Variants in PACS1 observed in about 807,000 individuals in gnomAD.
PACS1 encodes phosphofurin acidic cluster sorting protein 1, also known as PACS-1.
In PACS1, 24 loss-of-function variants were observed where a neutral mutation model predicts 115.0. That is an observed-to-expected ratio of 0.21 (90% CI 0.15 to 0.29). The LOEUF (loss-of-function observed/expected upper bound fraction) is 0.29. PACS1 is among the 10% of genes least tolerant of loss of function. PACS1 has a pLI of 1.00. For synonymous variants in PACS1, 453 were observed against 504.5 expected, an observed-to-expected ratio of 0.90 and a Z score of 1.37; for missense variants, 838 against 1,251.2, an observed-to-expected ratio of 0.67 and a Z score of 4.98.
chr11:66,168,150 C>A (rs928340662), intron 1 of PACS1, among the ~76,000 whole-genome samples: 12 of 150,222 alleles, frequency 8.0e-5, no homozygotes, highest in Non-Finnish European at 1.2e-4. Context: ...GATCTGCCCA[C>A]CCTGGCCTCC....
chr11:66,093,368 A>G (rs1251572728), intron 1 of PACS1, among the ~76,000 whole-genome samples: 2 of 149,862 alleles, frequency 1.3e-5, no homozygotes, highest in African/African-American at 4.9e-5. Context: ...AAGCAAATGG[A>G]AAACAAAAAA....
intron 2 of PACS1, among the ~76,000 whole-genome samples, chr11:66,195,715 A>C (rs771673976): frequency 6.6e-6 from 1 of 152,216 alleles, no homozygotes; most frequent in Non-Finnish European, 1.5e-5. Flanking sequence ...TCACTTATTT[A>C]TGCATTCATA....
intron 1 of PACS1, among the ~76,000 whole-genome samples, chr11:66,149,090 CTTTTTT>C (rs10717909): frequency 2.0e-5 from 2 of 98,136 alleles, no homozygotes; most frequent in East Asian, 2.8e-4. Flanking sequence ...TGCACACGCA[CTTTTTT>C]TTTTTTTTTT....
At chr11:66,234,050 C>T in intron 16 of PACS1, 82 bp from the exon 17 acceptor site, 1 of 1,541,214 alleles carries the variant, frequency 6.5e-7, no homozygotes, top group Non-Finnish European at 9.0e-7. Context: ...GTCAAGGAGA[C>T]CAAGGCCGTG....
chr11:66,077,982 G>C (rs2134496898), intron 1 of PACS1, among the ~76,000 whole-genome samples: 1 of 152,244 alleles, frequency 6.6e-6, no homozygotes. Flanking sequence ...GATTACAGTT[G>C]TAAGCAACCA....
At chr11:66,156,715 G>A (rs1859370610) in intron 1 of PACS1, among the ~76,000 whole-genome samples, 1 of 152,004 alleles carries the variant, frequency 6.6e-6, no homozygotes, top group African/African-American at 2.4e-5. Flanking sequence ...TTACCCGGGC[G>A]TGGTGGTGGG....
intron 2 of PACS1, among the ~76,000 whole-genome samples, chr11:66,194,946 C>T (rs1854616910): frequency 6.7e-6 from 1 of 149,016 alleles, no homozygotes; most frequent in Admixed American, 6.6e-5. Context: ...AATGTTGGGC[C>T]GGGCACTGTG....
At chr11:66,151,388 G>C (rs1201592884) in intron 1 of PACS1, among the ~76,000 whole-genome samples, 2 of 152,138 alleles carry the variant, frequency 1.3e-5, no homozygotes, top group Non-Finnish European at 2.9e-5. Context: ...GAAAACTTAG[G>C]AGGAAATCAC....
At chr11:66,237,605 C>T (rs1466721464) in intron 19 of PACS1, among the ~76,000 whole-genome samples, 1 of 152,216 alleles carries the variant, frequency 6.6e-6, no homozygotes, top group African/African-American at 2.4e-5. Flanking sequence ...GGGCTGCTCC[C>T]ATAGCCACAT....
chr11:66,233,581 G>T lies in PACS1; in HGVS notation c.1839-204G>T, dbSNP rs1379896498. Among the ~76,000 whole-genome samples the T allele has an allele frequency of 6.6e-6, 1 of 152,236 alleles. No individual in the cohort carries two copies. Among genetic ancestry groups the T allele is most frequent in the Non-Finnish European group, 1.5e-5 (1 of 68,046 alleles). The stretch of plus-strand genomic sequence containing the variant: ...CTCAGCTGTTCCGTCTGCTTCATGG[G>T]CAATGCCCTCTGACCCTGGATTTTT... On this transcript the variant is annotated intron_variant, in intron 15 of 23. Transcript: ENST00000320580. This position sits in a 1 kb window ranked among gnomAD's most constrained non-coding sequence, Gnocchi z 4.5.
At chr11:66,110,850 T>C (rs1385171788) in intron 1 of PACS1, among the ~76,000 whole-genome samples, 1 of 152,216 alleles carries the variant, frequency 6.6e-6, no homozygotes, top group Non-Finnish European at 1.5e-5. Context: ...GTTACAGGCA[T>C]GAGCCGTAGC....
chr11:66,210,662 AC>A (rs1424950724), intron 3 of PACS1, among the ~76,000 whole-genome samples: 1 of 152,158 alleles, frequency 6.6e-6, no homozygotes, highest in Non-Finnish European at 1.5e-5. Context: ...CTGGGTAGGC[AC>A]CGTGGCCCCT....
chr11:66,188,818 G>A (rs1854450909), intron 1 of PACS1, among the ~76,000 whole-genome samples: 1 of 151,982 alleles, frequency 6.6e-6, no homozygotes, highest in African/African-American at 2.4e-5. Flanking sequence ...TGCAAATGCG[G>A]GTTTATGGAG....
At chr11:66,116,404 A>G (rs911708421) in intron 1 of PACS1, among the ~76,000 whole-genome samples, 4 of 152,236 alleles carry the variant, frequency 2.6e-5, no homozygotes, top group Non-Finnish European at 4.4e-5. Context: ...GAAGTATTAC[A>G]TATTATCTTT....
chr11:66,172,713 G>C (rs944297389), intron 1 of PACS1, among the ~76,000 whole-genome samples: 3 of 152,076 alleles, frequency 2.0e-5, no homozygotes, highest in Non-Finnish European at 4.4e-5. Context: ...AGCCAGGTGC[G>C]GTGGCTCACA....
chr11:66,235,481 C>A lies in PACS1; in HGVS notation c.2207+78C>A. ...ATCTTGAGTCTTCCTTGCTTTCTCA[C>A]ATTTTCCTTCTCCACATGCTATATT... On this transcript the variant is annotated intron_variant, in intron 18 of 23. Transcript: ENST00000320580. The surrounding 1 kb of genome is among the most constrained non-coding windows in gnomAD (Gnocchi z 5.6). 1 of 1,052,382 alleles carries A rather than the reference C, an allele frequency of 9.5e-7. No individual in the cohort carries two copies. Among genetic ancestry groups the A allele is most frequent in the Non-Finnish European group, 1.5e-6 (1 of 686,486 alleles). 65.2% of individuals were successfully genotyped at this position (1,052,382 alleles called of 1,614,324 possible). A position where few individuals can be genotyped will look rare whatever the true frequency, so the allele number is the denominator to read the frequency against.
intron 10 of PACS1, among the ~76,000 whole-genome samples, chr11:66,226,799 TCTAAGAC>T (rs1382901244): frequency 6.6e-6 from 1 of 152,234 alleles, no homozygotes; most frequent in African/African-American, 2.4e-5. Flanking sequence ...CTTCCCTGCA[TCTAAGAC>T]CTACAACCCA....
In PACS1 at chr11:66,167,809, T is replaced by A. The variant is rs146577000; in HGVS notation, c.357-25677T>A. On this transcript the variant is annotated intron_variant, in intron 1 of 23. Coordinates refer to ENST00000320580, the MANE Select transcript of PACS1 (RefSeq NM_018026.4). ...TTCTTATATTGTTTCTGCATGATTG[T>A]GGGATTATTTCTGGGCACTCTATTC... 3.9e-3 allele frequency among the ~76,000 whole-genome samples: 590 copies of A among 150,478 alleles called. 8 individuals are homozygous for A. Among genetic ancestry groups the A allele is most frequent in the Non-Finnish European group, 6.3e-3 (429 of 68,018 alleles).
Position 66,079,197 on chromosome 11 carries a change from T to C in PACS1, c.356+8355T>C, listed in dbSNP as rs376240179. On this transcript the variant is annotated intron_variant, in intron 1 of 23. Transcript: ENST00000320580. ...CCACCGCCCAGCCTCTTTTCAGTTGTTTTTCTGAAACATTGTGTGTGTTTG... is the reference window on the plus strand; with the variant it reads ...CCACCGCCCAGCCTCTTTTCAGTTGCTTTTCTGAAACATTGTGTGTGTTTG... Among the ~76,000 whole-genome samples, 152 of 152,314 alleles carry C rather than the reference T, an allele frequency of 1.0e-3. 4 individuals carry two copies. The South Asian group carries it at 0.03, about 30-fold the overall frequency.
Sources: gnomAD v4.1 joint callset for allele counts (sites outside exome capture counted in the v4.1 genomes callset) on GRCh38, gnomAD v4.1.1 for gene constraint, Gnocchi (gnomAD v3.1) non-coding constraint, MANE v1.5 for transcripts, NCBI Gene and HGNC (gene_info 2026-07-23, HGNC 2026-07-21) for gene names.